PCDHA2: variants seen among roughly 807,000 people sequenced by gnomAD.
PCDHA2 encodes protocadherin alpha-2.
PCDHA2 carries 58 observed loss-of-function variants against 66.0 expected under a neutral mutation model. The ratio of observed to expected loss-of-function variants is 0.88; its 90% CI spans 0.71 to 1.09. The LOEUF is 1.09. Among genes scored for constraint, PCDHA2 ranks in the 50% least tolerant of loss-of-function variants. The pLI is 0.00. For missense variants in PCDHA2, 1,267 were observed against 1,242.3 expected (o/e 1.02, Z -0.30); for synonymous variants, 634 against 554.0 (o/e 1.14, Z -2.03).
At chr5:140,806,222 G>A (rs1291853395) in intron 1 of PCDHA2, among the ~76,000 whole-genome samples, 2 of 152,080 alleles carry the variant, frequency 1.3e-5, no homozygotes, top group Non-Finnish European at 2.9e-5. Flanking sequence ...AGGACAAAAT[G>A]AACATGCTTG....
intron 1 of PCDHA2, chr5:140,859,217 C>T (rs1409192343): frequency 6.7e-6 from 1 of 149,754 alleles, no homozygotes; most frequent in South Asian, 2.1e-4. Context: ...AGCTCTTTCA[C>T]TTTAAGGAAG....
intron 1 of PCDHA2, among the ~76,000 whole-genome samples, chr5:140,907,247 T>C (rs1328809549): frequency 1.3e-5 from 2 of 152,216 alleles, no homozygotes; most frequent in Non-Finnish European, 2.9e-5. Context: ...GACATTGTAA[T>C]TGTGACTTCA....
intron 1 of PCDHA2, among the ~76,000 whole-genome samples, chr5:140,800,533 T>C (rs782191776): frequency 8.5e-5 from 13 of 152,202 alleles, no homozygotes; most frequent in Non-Finnish European, 1.3e-4. Context: ...ATCATAAATC[T>C]GAAAGGATCT....
At chr5:140,870,508 C>T in intron 1 of PCDHA2, 1 of 1,614,244 alleles carries the variant, frequency 6.2e-7, no homozygotes, top group Non-Finnish European at 8.5e-7. Flanking sequence ...GAACAACCCA[C>T]CAGGCTGCCA....
chr5:140,850,595 G>A (rs2150490707), intron 1 of PCDHA2: 2 of 1,598,512 alleles, frequency 1.3e-6, no homozygotes, highest in East Asian at 4.5e-5. Flanking sequence ...ACGTGTACCT[G>A]ATCATCGCCA....
At chr5:140,993,877 C>T (rs1457877493) in intron 3 of PCDHA2, among the ~76,000 whole-genome samples, 4 of 152,150 alleles carry the variant, frequency 2.6e-5, no homozygotes, top group South Asian at 2.1e-4. Context: ...TGTGTAAGTA[C>T]GCTCTATGAT....
intron 1 of PCDHA2, chr5:140,877,291 C>T (rs527823173): frequency 6.2e-7 from 1 of 1,613,932 alleles, no homozygotes; most frequent in Non-Finnish European, 8.5e-7. Context: ...TAACGCTTGG[C>T]TGTCCTACGA....
At chr5:140,851,020 A>G in intron 1 of PCDHA2, 1 of 1,430,342 alleles carries the variant, frequency 7.0e-7, no homozygotes, top group Non-Finnish European at 9.2e-7. Flanking sequence ...TTTCTGATAA[A>G]GTAAACCCCT....
intron 1 of PCDHA2, among the ~76,000 whole-genome samples, chr5:140,892,414 C>G (rs2063506203): frequency 6.6e-6 from 1 of 152,124 alleles, no homozygotes; most frequent in Non-Finnish European, 1.5e-5. Context: ...TTCAGGTATT[C>G]TAGATAAAAC....
chr5:140,883,826 C>G, intron 1 of PCDHA2: 1 of 1,612,622 alleles, frequency 6.2e-7, no homozygotes, highest in South Asian at 1.1e-5. Context: ...GGTGTACGCG[C>G]TGCAGCCGTT....
intron 1 of PCDHA2, among the ~76,000 whole-genome samples, chr5:140,838,110 GTGTGT>G (rs1775541794): frequency 6.7e-6 from 1 of 149,788 alleles, no homozygotes; most frequent in Admixed American, 6.7e-5. Flanking sequence ...GTGTGTGTGT[GTGTGT>G]GTGTGTGTGT....
At chr5:140,923,584 T>C (rs2081432624) in intron 1 of PCDHA2, among the ~76,000 whole-genome samples, 1 of 152,172 alleles carries the variant, frequency 6.6e-6, no homozygotes, top group South Asian at 2.1e-4. Context: ...AGAGAAGGTT[T>C]GTTAATTCAT....
intron 3 of PCDHA2, 111 bp downstream of exon 3, chr5:140,982,674 A>G (rs1399250735): frequency 3.4e-6 from 5 of 1,450,700 alleles, no homozygotes; most frequent in Admixed American, 2.7e-5. Context: ...TATTTTTGTT[A>G]TTCCCTTTTT....
chr5:140,984,389 A>T (rs1346769556), intron 3 of PCDHA2, among the ~76,000 whole-genome samples: 2 of 152,208 alleles, frequency 1.3e-5, no homozygotes, highest in African/African-American at 4.8e-5. Flanking sequence ...AGATTCAAAA[A>T]ATGTTGAGAA....
At chr5:140,841,515 G>T (rs2150317088) in intron 1 of PCDHA2, 6 of 1,606,628 alleles carry the variant, frequency 3.7e-6, no homozygotes, top group Middle Eastern at 3.5e-4. Context: ...CGCCTGTTCC[G>T]GGTGGCGTCC....
chr5:140,883,768 C>T, intron 1 of PCDHA2: 1 of 1,612,160 alleles, frequency 6.2e-7, no homozygotes, highest in Non-Finnish European at 8.5e-7. Flanking sequence ...GGCGGGTGGG[C>T]GAGCGTGCGC....
At chr5:140,983,438 C>T (rs1233600670) in intron 3 of PCDHA2, among the ~76,000 whole-genome samples, 2 of 152,224 alleles carry the variant, frequency 1.3e-5, no homozygotes, top group Non-Finnish European at 2.9e-5. Flanking sequence ...ATTGTGTCTA[C>T]TCTAATCCTC....
rs148357054 is a variant in PCDHA2, at chr5:140,862,194, A to G, written c.2388+64842A>G. On this transcript the variant is annotated intron_variant, in intron 1 of 3. Coordinates refer to ENST00000526136, the MANE Select transcript of PCDHA2 (RefSeq NM_018905.3). ...GGCAGTTGACACAGGCAATTCCCCA[A>G]TGTTTGATCACTGCACAGACTTGAT... The G allele has an allele frequency of 5.4e-3, 909 of 167,816 alleles. 8 individuals are homozygous for G. The highest frequency in any genetic ancestry group is 8.4e-3 in the South Asian group (55 of 6,516). The allele number at this position is 167,816 out of a possible 1,614,324, so 10.4% of individuals were successfully genotyped here.
At chr5:140,892,998 AT>A (rs2063775886) in intron 1 of PCDHA2, among the ~76,000 whole-genome samples, 1 of 152,170 alleles carries the variant, frequency 6.6e-6, no homozygotes, top group South Asian at 2.1e-4. Context: ...GAGAACATGT[AT>A]TTATTTTTCT....
Sources: gnomAD v4.1 joint callset for allele counts (sites outside exome capture counted in the v4.1 genomes callset) on GRCh38, gnomAD v4.1.1 for gene constraint, MANE v1.5 for transcripts, NCBI Gene and HGNC (gene_info 2026-07-23, HGNC 2026-07-21) for gene names.